The following CTDP1 variants were observed in gnomAD, a reference collection of about 807,000 sequenced individuals.
CTDP1 encodes the protein RNA polymerase II subunit A C-terminal domain phosphatase.
Under a neutral mutation model 91.8 loss-of-function variants are expected in CTDP1, and 47 were observed. The ratio of observed to expected loss-of-function variants is 0.51; its 90% CI spans 0.41 to 0.65. The LOEUF (loss-of-function observed/expected upper bound fraction) is 0.65, where lower values mean the gene tolerates loss of function less well. CTDP1 is among the 30% of genes least tolerant of loss of function. The pLI is 0.00. For synonymous variants in CTDP1, 656 were observed against 598.5 expected (o/e 1.10, Z -1.40); for missense variants, 1,272 against 1,373.7 (o/e 0.93, Z 1.17).
intron 4 of CTDP1, among the ~76,000 whole-genome samples, chr18:79,701,601 G>A (rs372323153): frequency 6.6e-6 from 1 of 152,112 alleles, no homozygotes; most frequent in African/African-American, 2.4e-5. Flanking sequence ...GGCTGGAGCT[G>A]CCTTAGAGAG....
In CTDP1 at chr18:79,714,615, C is replaced by T. The variant is rs745490279; in HGVS notation, c.1155C>T (p.Asn385=). 3.3e-4 allele frequency: 530 copies of T among 1,612,754 alleles called. 2 individuals are homozygous for T. The highest frequency in any genetic ancestry group is 4.9e-4 in the Middle Eastern group (3 of 6,076). Residue 385 remains asparagine (N), a synonymous_variant, in exon 8 of 13, where the codon AAC becomes AAT. Transcript: ENST00000613122. ...TGGAGAAGCCTGCACGGGAGCTGAA[C>T]GGCAGCGAGGCCGCCACCCCGCGGG... The part of the protein sequence containing the change: ...NGLEKPAREL[N]GSEAATPRDS...
At position 79,715,182 on chromosome 18, in the gene CTDP1, G is replaced by C; in HGVS notation, c.1722G>C (p.Gln574His). ...TCACTGCGGGTGAGTCCCTGGACCA[G>C]AGCATGGAGGAGGAGGAGGAGGAGG... ...SGVTAGESLD[Q>H]SMEEEEEEDT... Residue 574 changes from glutamine to histidine, a missense_variant, in exon 8 of 13, where the codon CAG (glutamine) becomes CAC (histidine). By Grantham distance (24) the Gln-to-His change is conservative (BLOSUM62 0). Coordinates refer to ENST00000613122, the MANE Select transcript of CTDP1 (RefSeq NM_004715.5). 3 of 1,612,326 alleles carry C rather than the reference G, an allele frequency of 1.9e-6. No homozygotes were observed. Among genetic ancestry groups the C allele is most frequent in the Non-Finnish European group, 2.5e-6 (3 of 1,179,626 alleles).
chr18:79,715,121 C>T lies in CTDP1; in HGVS notation c.1661C>T (p.Ala554Val), dbSNP rs760135414. 7.4e-6 allele frequency: 12 copies of T among 1,613,218 alleles called. No individual in the cohort carries two copies. Among genetic ancestry groups the T allele is most frequent in the South Asian group, 3.3e-5 (3 of 90,974 alleles). ...LGNGCADRKE[A>V]ETESQNSELS... The stretch of plus-strand genomic sequence containing the variant: ...AACGGCTGTGCCGACAGGAAGGAGG[C>T]GGAGACCGAGTCACAGAACAGCGAG... The change falls in exon 8 of 13, where the codon GCG becomes GTG. Residue 554 changes from alanine to valine, a missense_variant. This residue lies in a region of CTDP1 where 881 missense variants were observed against 911.6 expected (regional missense o/e 0.97). Coordinates refer to ENST00000613122, the MANE Select transcript of CTDP1 (RefSeq NM_004715.5).
chr18:79,676,920 G>A (rs1176255417), upstream of CTDP1, among the ~76,000 whole-genome samples: 2 of 152,192 alleles, frequency 1.3e-5, no homozygotes, highest in Non-Finnish European at 2.9e-5. Context: ...TTCATTGGCT[G>A]TATAGCATCT....
In CTDP1 at chr18:79,696,161, G is replaced by C. The variant is rs58480469; in HGVS notation, c.492+91G>C. On this transcript the variant is annotated intron_variant, in intron 3 of 12. Transcript: ENST00000613122. ...GGAGGGTGGCTGCAGAAGCACGGACGTGTGGTTGTCATCGTCGTTACTGAA... is the reference window on the plus strand; with the variant it reads ...GGAGGGTGGCTGCAGAAGCACGGACCTGTGGTTGTCATCGTCGTTACTGAA... 4 of 1,132,870 alleles carry C rather than the reference G, an allele frequency of 3.5e-6. No individual in the cohort carries two copies. In the African/African-American group the frequency reaches 4.6e-5, roughly 13 times the overall value. The allele number at this position is 1,132,870 out of a possible 1,614,324, so 70.2% of individuals were successfully genotyped here. A position where few individuals can be genotyped will look rare whatever the true frequency, so the allele number is the denominator to read the frequency against.
chr18:79,679,239 G>C (rs75631874), upstream of CTDP1: 24,813 of 361,224 alleles, frequency 0.069, 1,253 homozygotes, highest in South Asian at 0.15. Context: ...AGGTGAGGTC[G>C]GAGGAAGAGA....
chr18:79,730,584 CT>C (rs1469093734), intron 11 of CTDP1, among the ~76,000 whole-genome samples: 14 of 152,364 alleles, frequency 9.2e-5, no homozygotes, highest in African/African-American at 3.4e-4. Context: ...AGATGTAGCT[CT>C]TTGGGAACAA....
rs1391362261 is a variant in CTDP1 at position 79,680,129 on chromosome 18, C to T, written c.182C>T (p.Ser61Phe). ...GAGGCCGCCGCCTCCGCGCAGTCCT[C>T]CGGGGCCTCTCAGTCCCGTGTAGCC... ...VFEAAASAQS[S>F]GASQSRVASG... is the part of the protein sequence containing the mutation. The change falls in exon 1 of 13, where the codon TCC becomes TTC. Residue 61 changes from serine to phenylalanine, a missense_variant. Transcript: ENST00000613122. 11 of 1,430,434 alleles carry T rather than the reference C, an allele frequency of 7.7e-6. No homozygotes were observed. The highest frequency in any genetic ancestry group is 1.0e-5 in the Non-Finnish European group (11 of 1,093,860). The allele number at this position is 1,430,434 out of a possible 1,614,324, so 88.6% of individuals were successfully genotyped here. A position where few individuals can be genotyped will look rare whatever the true frequency, so the allele number is the denominator to read the frequency against.
At chr18:79,720,296 CTCCTATT>C (rs2086313225) in intron 10 of CTDP1, among the ~76,000 whole-genome samples, 1 of 9,730 alleles carries the variant, frequency 1.0e-4, no homozygotes, top group Non-Finnish European at 2.9e-4. Flanking sequence ...ATGATGTCAC[CTCCTATT>C]GTGTCCTGGT....
chr18:79,691,119 C>T (rs2085611250), intron 1 of CTDP1, among the ~76,000 whole-genome samples: 1 of 152,212 alleles, frequency 6.6e-6, no homozygotes, highest in South Asian at 2.1e-4. Context: ...CTAGAAGCTT[C>T]CTTCCTCGTG....
intron 10 of CTDP1, among the ~76,000 whole-genome samples, chr18:79,726,092 G>T (rs1030664107): frequency 1.3e-5 from 2 of 152,042 alleles, no homozygotes; most frequent in African/African-American, 4.8e-5. Context: ...TGCTTTTCAG[G>T]GCCATCTCTG....
At chr18:79,701,561 ATAAAT>A (rs2085860382) in intron 4 of CTDP1, among the ~76,000 whole-genome samples, 2 of 150,310 alleles carry the variant, frequency 1.3e-5, no homozygotes, top group African/African-American at 4.9e-5. Flanking sequence ...AAATAAATAA[ATAAAT>A]AAATAAAAGA....
chr18:79,701,029 A>AC (rs2085846090), intron 4 of CTDP1, among the ~76,000 whole-genome samples: 1 of 152,140 alleles, frequency 6.6e-6, no homozygotes, highest in South Asian at 2.1e-4. Context: ...CGCTCTTGAG[A>AC]CCTGTTACTC....
At chr18:79,719,264 G>A (rs1219322313) in intron 10 of CTDP1, among the ~76,000 whole-genome samples, 2 of 152,194 alleles carry the variant, frequency 1.3e-5, no homozygotes, top group Non-Finnish European at 2.9e-5. Flanking sequence ...GGCCCTTGAG[G>A]TCATGGTGGA....
rs1192273178 is a variant in CTDP1 at position 79,680,165 on chromosome 18, G to A, written c.218G>A (p.Cys73Tyr). The change falls in exon 1 of 13, where the codon TGC becomes TAC. Residue 73 changes from cysteine (C) to tyrosine (Y), a missense_variant. Around this residue, in one of 3 missense-constraint regions of CTDP1, gnomAD observed 214 missense variants for 179.1 expected, o/e 1.19. Coordinates refer to ENST00000613122, the MANE Select transcript of CTDP1 (RefSeq NM_004715.5). ...CAGTCCCGTGTAGCCTCCGGGGGCT[G>A]CGTGCGCCCCGCGCGGCCGGAACGC... ...ASQSRVASGG[C>Y]VRPARPERRL... 4 of 1,390,938 alleles carry A rather than the reference G, an allele frequency of 2.9e-6. No individual in the cohort carries two copies. In the South Asian group the frequency reaches 4.7e-5, roughly 16 times the overall value. The allele number at this position is 1,390,938 out of a possible 1,614,324, so 86.2% of individuals were successfully genotyped here. A position where few individuals can be genotyped will look rare whatever the true frequency, so the allele number is the denominator to read the frequency against.
At chr18:79,755,867 C>G (rs1463634855), downstream of CTDP1, 1 of 152,610 alleles carries the variant, frequency 6.6e-6, no homozygotes, top group African/African-American at 2.4e-5. Flanking sequence ...GGCGTGGTAG[C>G]TGGCTGCGCG....
At chr18:79,742,724 G>T (rs544556614) in intron 12 of CTDP1, among the ~76,000 whole-genome samples, 180 of 152,330 alleles carry the variant, frequency 1.2e-3, no homozygotes, top group Admixed American at 2.0e-3. Context: ...TTAGGATGCC[G>T]AGGTGGGCAG....
intron 12 of CTDP1, among the ~76,000 whole-genome samples, chr18:79,749,116 CAG>C (rs939966341): frequency 6.6e-6 from 1 of 152,348 alleles, no homozygotes; most frequent in Middle Eastern, 3.4e-3. Context: ...AAACCTCAAA[CAG>C]AGAGTCACAG....
chr18:79,745,314 T>A (rs1428539800), intron 12 of CTDP1, among the ~76,000 whole-genome samples: 12 of 114,636 alleles, frequency 1.0e-4, no homozygotes, highest in Admixed American at 1.7e-4. Flanking sequence ...GCGCGTTCTG[T>A]CCCTGCGTCC....
Sources: allele counts gnomAD v4.1 joint callset (sites outside exome capture counted in the v4.1 genomes callset), GRCh38; gene constraint gnomAD v4.1.1; regional missense constraint gnomAD v4.1.1; transcripts MANE v1.5; gene names NCBI Gene and HGNC (gene_info 2026-07-23, HGNC 2026-07-21).